The following MYRIP variants were observed in gnomAD, a reference collection of about 807,000 sequenced individuals.
The protein encoded by MYRIP is myosin VIIA and Rab interacting protein.
MYRIP carries 49 observed loss-of-function variants against 98.0 expected under a neutral mutation model. That is an observed-to-expected ratio of 0.50 (90% CI 0.40 to 0.63). MYRIP has a LOEUF of 0.63. MYRIP is among the 30% of genes least tolerant of loss of function. The probability of loss-of-function intolerance (pLI) is 0.00; values close to 1 mark genes in which losing one functional copy is unlikely to be tolerated. For missense variants in MYRIP, 1,004 were observed against 1,058.2 expected, an observed-to-expected ratio of 0.95 and a Z score of 0.71; for synonymous variants, 404 against 409.5, an observed-to-expected ratio of 0.99 and a Z score of 0.16.
At chr3:39,880,837 T>C (rs1406742791) in intron 1 of MYRIP, among the ~76,000 whole-genome samples, 2 of 152,200 alleles carry the variant, frequency 1.3e-5, no homozygotes, top group African/African-American at 4.8e-5. Context: ...ATTTCATTCA[T>C]TGTGTTGGAG....
At chr3:39,869,002 G>GT (rs1239717792) in intron 1 of MYRIP, among the ~76,000 whole-genome samples, 6 of 151,930 alleles carry the variant, frequency 3.9e-5, no homozygotes, top group Admixed American at 3.9e-4. Flanking sequence ...CTTTTCTTTG[G>GT]TTTTTGACAG....
chr3:40,040,021 T>G (rs1947474818), intron 2 of MYRIP, among the ~76,000 whole-genome samples: 1 of 152,166 alleles, frequency 6.6e-6, no homozygotes, highest in African/African-American at 2.4e-5. Flanking sequence ...GTGTGTCTCT[T>G]AAAGGACAGT....
intron 11 of MYRIP, among the ~76,000 whole-genome samples, chr3:40,229,944 T>TA (rs1357403957): frequency 3.3e-5 from 5 of 152,170 alleles, no homozygotes; most frequent in Non-Finnish European, 5.9e-5. Context: ...CTTGGCATTT[T>TA]AAAAAAAGAG....
At chr3:40,162,121 C>G (rs76292180) in intron 4 of MYRIP, among the ~76,000 whole-genome samples, 1 of 152,142 alleles carries the variant, frequency 6.6e-6, no homozygotes, top group Admixed American at 6.6e-5. Flanking sequence ...TGCTTAGGTC[C>G]GCCTTCCCTG....
At chr3:40,157,191 GT>G (rs1294704874) in intron 4 of MYRIP, among the ~76,000 whole-genome samples, 4 of 148,652 alleles carry the variant, frequency 2.7e-5, no homozygotes, top group Non-Finnish European at 5.9e-5. Flanking sequence ...TTTATTGAGA[GT>G]TTTTAGCATG....
rs180863569 is a variant in MYRIP at position 40,138,409 on chromosome 3, A to G, written c.333-12639A>G. Among the ~76,000 whole-genome samples, 236 of 152,316 alleles carry G rather than the reference A, an allele frequency of 1.5e-3. 2 individuals carry two copies. The highest frequency in any genetic ancestry group is 2.9e-4 in the Non-Finnish European group (20 of 68,012). On this transcript the variant is annotated intron_variant, in intron 3 of 16. Transcript: ENST00000302541. ...GTAGCTCTAAGGACTTTAAGTAATCAGTTCTAACTATGTTGTCATTGGTAA... is the reference window on the plus strand; with the variant it reads ...GTAGCTCTAAGGACTTTAAGTAATCGGTTCTAACTATGTTGTCATTGGTAA...
At chr3:40,010,884 C>T (rs1418615555) in intron 2 of MYRIP, among the ~76,000 whole-genome samples, 1 of 152,150 alleles carries the variant, frequency 6.6e-6, no homozygotes, top group African/African-American at 2.4e-5. Flanking sequence ...AACTTTATCT[C>T]ATTCTTGCTG....
chr3:39,932,910 A>G (rs966891318), intron 2 of MYRIP, among the ~76,000 whole-genome samples: 3 of 152,194 alleles, frequency 2.0e-5, no homozygotes, highest in African/African-American at 7.2e-5. Context: ...CACCGTCTGA[A>G]TTAGATATTT....
chr3:40,040,894 G>T (rs1947499988), intron 2 of MYRIP, among the ~76,000 whole-genome samples: 1 of 78,530 alleles, frequency 1.3e-5, no homozygotes, highest in African/African-American at 4.3e-5. Flanking sequence ...TGACACATTA[G>T]TGGGTGCAGC....
chr3:39,833,497 T>C (rs916406358), intron 1 of MYRIP, among the ~76,000 whole-genome samples: 8 of 152,142 alleles, frequency 5.3e-5, no homozygotes, highest in Non-Finnish European at 2.9e-5. Context: ...GTGCCCTGGC[T>C]GGGCTAGATG....
chr3:39,838,554 G>A (rs574397483), intron 1 of MYRIP, among the ~76,000 whole-genome samples: 11 of 152,184 alleles, frequency 7.2e-5, no homozygotes, highest in Non-Finnish European at 1.5e-5. Flanking sequence ...TCCCAGGGAT[G>A]AAGCTGACTT....
intron 11 of MYRIP, among the ~76,000 whole-genome samples, chr3:40,226,513 C>T (rs1445532025): frequency 6.6e-6 from 1 of 152,216 alleles, no homozygotes; most frequent in Non-Finnish European, 1.5e-5. Flanking sequence ...CCAGTTCTCC[C>T]CAGCCCTCAA....
intron 3 of MYRIP, among the ~76,000 whole-genome samples, chr3:40,143,148 C>A (rs1221793487): frequency 6.6e-6 from 1 of 152,166 alleles, no homozygotes; most frequent in African/African-American, 2.4e-5. Context: ...GTTTTGTCAC[C>A]CCTATACGTT....
chr3:40,246,778 T>G (rs1953220834), intron 13 of MYRIP, among the ~76,000 whole-genome samples: 1 of 152,168 alleles, frequency 6.6e-6, no homozygotes, highest in Admixed American at 6.5e-5. Context: ...TGGTAATTAT[T>G]TTAAAAGTAA....
chr3:39,951,945 A>G (rs942791308), intron 2 of MYRIP, among the ~76,000 whole-genome samples: 12 of 152,196 alleles, frequency 7.9e-5, no homozygotes, highest in African/African-American at 2.9e-4. Context: ...TTTTAACTGT[A>G]CAATTTAATG....
chr3:40,157,213 GA>G (rs1323967286), intron 4 of MYRIP, among the ~76,000 whole-genome samples: 3 of 148,838 alleles, frequency 2.0e-5, no homozygotes, highest in Non-Finnish European at 4.4e-5. Context: ...AAGCGTTGTT[GA>G]ATTTTGTCAA....
At chr3:39,822,121 C>G (rs1941119685) in intron 1 of MYRIP, among the ~76,000 whole-genome samples, 1 of 152,088 alleles carries the variant, frequency 6.6e-6, no homozygotes, top group African/African-American at 2.4e-5. Context: ...CTCTTAGTCT[C>G]TAGTAATACC....
At chr3:39,958,564 T>C (rs1257064341) in intron 2 of MYRIP, among the ~76,000 whole-genome samples, 1 of 151,772 alleles carries the variant, frequency 6.6e-6, no homozygotes, top group African/African-American at 2.4e-5. Flanking sequence ...TAGACCTAAA[T>C]CCATAAAAAC....
At chr3:39,936,872 C>T (rs982303316) in intron 2 of MYRIP, among the ~76,000 whole-genome samples, 4 of 152,102 alleles carry the variant, frequency 2.6e-5, no homozygotes, top group African/African-American at 2.4e-5. Context: ...TAAATCTGTC[C>T]TCATCTGTCT....
Sources: allele counts gnomAD v4.1 joint callset (sites outside exome capture counted in the v4.1 genomes callset), GRCh38; gene constraint gnomAD v4.1.1; transcripts MANE v1.5; gene names NCBI Gene and HGNC (gene_info 2026-07-23, HGNC 2026-07-21).